The following UCMA variants were observed in gnomAD, a reference collection of about 807,000 sequenced individuals.
The protein encoded by UCMA is upper zone of growth plate and cartilage matrix-associated protein.
In UCMA, 21 loss-of-function variants were observed where a neutral mutation model predicts 21.8. The observed-to-expected ratio is 0.97, with a 90% CI of 0.68 to 1.39. UCMA has a LOEUF of 1.39. Ranked by LOEUF, UCMA falls within the 40% of genes most tolerant of loss-of-function variation. The pLI is 0.00. For synonymous variants in UCMA, 76 were observed against 67.9 expected (o/e 1.12, Z -0.58); for missense variants, 193 against 178.9 (o/e 1.08, Z -0.45).
At chr10:13,232,689 C>A (rs1474927128) in intron 3 of UCMA, among the ~76,000 whole-genome samples, 1 of 152,174 alleles carries the variant, frequency 6.6e-6, no homozygotes, top group Non-Finnish European at 1.5e-5. Flanking sequence ...AAGCAAGTCA[C>A]CTTGCTGAGT....
chr10:13,228,795 G>A (rs1588490163), intron 4 of UCMA, among the ~76,000 whole-genome samples: 1 of 152,124 alleles, frequency 6.6e-6, no homozygotes, highest in East Asian at 1.9e-4. Flanking sequence ...AGGAGGGAGG[G>A]AAAGGAGTTT....
Position 13,233,772 on chromosome 10 carries a change from C to T in UCMA, c.87G>A (p.Val29=), listed in dbSNP as rs532781503. The T allele has an allele frequency of 4.3e-5, 69 of 1,613,926 alleles. No homozygotes were observed. In the Middle Eastern group the frequency reaches 3.8e-3, roughly 89 times the overall value. ...SMLREGTSVS[V]GTMQMAGEEA... is the part of the protein sequence containing the mutation. ...CTTCTCCCGCCATCTGCATGGTGCCCACAGATACACTGGTTCCCTCTCTCA... is the reference window on the plus strand; with the variant it reads ...CTTCTCCCGCCATCTGCATGGTGCCTACAGATACACTGGTTCCCTCTCTCA... The change falls in exon 2 of 5, where the codon GTG becomes GTA. Residue 29 remains valine (V), a synonymous_variant. Transcript: ENST00000378681.
chr10:13,229,776 G>A, intron 3 of UCMA, 67 bp from the exon 4 acceptor site: 1 of 1,352,080 alleles, frequency 7.4e-7, no homozygotes, highest in Non-Finnish European at 1.1e-6. Flanking sequence ...CACACTTAGG[G>A]GAGCACAGTT....
At chr10:13,234,103 T>A (rs1834938147) in intron 1 of UCMA, 98 bp downstream of exon 1, 3 of 1,174,116 alleles carry the variant, frequency 2.6e-6, no homozygotes, top group Non-Finnish European at 3.6e-6. Flanking sequence ...ATAAGCATAC[T>A]CCTTTCTACC....
chr10:13,223,250 A>G (rs1834781580), intron 4 of UCMA, among the ~76,000 whole-genome samples: 1 of 151,812 alleles, frequency 6.6e-6, no homozygotes, highest in Admixed American at 6.6e-5. Context: ...CACAAAAGAA[A>G]GAAAAAAAGA....
In UCMA at chr10:13,233,724, C is replaced by A. The variant is rs1364173319; in HGVS notation, c.124+11G>T. On this transcript the variant is annotated intron_variant, in intron 2 of 4. Transcript: ENST00000378681. Reference sequence around the variant, plus strand: ...CACCTGCCCTGCCCCGTGGGTGGCCCCTGCACTCACCTTCACTCGCCTCTT... The same window carrying A: ...CACCTGCCCTGCCCCGTGGGTGGCCACTGCACTCACCTTCACTCGCCTCTT... 1 of 1,614,036 alleles carries A rather than the reference C, an allele frequency of 6.2e-7. No homozygotes were observed. The highest frequency in any genetic ancestry group is 8.5e-7 in the Non-Finnish European group (1 of 1,180,018).
chr10:13,228,538 G>A (rs1482827633), intron 4 of UCMA, among the ~76,000 whole-genome samples: 1 of 152,210 alleles, frequency 6.6e-6, no homozygotes, highest in African/African-American at 2.4e-5. Flanking sequence ...TAGAAGGCAA[G>A]CTGTTTTCTG....
chr10:13,225,798 C>T (rs1276149584), intron 4 of UCMA, among the ~76,000 whole-genome samples: 6 of 151,960 alleles, frequency 3.9e-5, no homozygotes, highest in Non-Finnish European at 1.5e-5. Context: ...CCTTGAGCAC[C>T]GCCCCAGGGA....
intron 3 of UCMA, among the ~76,000 whole-genome samples, chr10:13,230,808 G>A (rs1834887903): frequency 3.9e-5 from 6 of 152,262 alleles, no homozygotes; most frequent in Admixed American, 3.9e-4. Context: ...TGTAATCCCA[G>A]CACTTTGGGA....
intron 4 of UCMA, among the ~76,000 whole-genome samples, chr10:13,227,598 A>G (rs1834838591): frequency 1.3e-5 from 2 of 151,372 alleles, no homozygotes; most frequent in African/African-American, 2.4e-5. Context: ...CACACCTGTA[A>G]TCCCAGCTAC....
chr10:13,224,883 C>T lies in UCMA; in HGVS notation c.320-2683G>A, dbSNP rs968677269. Among the ~76,000 whole-genome samples the T allele has an allele frequency of 1.1e-4, 17 of 152,148 alleles. 1 individual carries two copies. The highest frequency in any genetic ancestry group is 3.3e-4 in the Admixed American group (5 of 15,266). ...GGCCCTCCCCTTGGTGCTGAAAATC[C>T]CATTAGGTACTTGATAGCCCAGGGG... On this transcript the variant is annotated intron_variant, in intron 4 of 4. Coordinates refer to ENST00000378681, the MANE Select transcript of UCMA (RefSeq NM_145314.3).
intron 4 of UCMA, among the ~76,000 whole-genome samples, chr10:13,224,544 T>C (rs1240766940): frequency 5.3e-5 from 8 of 152,220 alleles, no homozygotes; most frequent in Non-Finnish European, 1.2e-4. Context: ...GAAGATGATG[T>C]CAAGAATTAA....
chr10:13,234,347 C>T lies in UCMA; in HGVS notation c.-89G>A. On this transcript the variant is annotated 5_prime_UTR_variant, in exon 1 of 5. Coordinates refer to ENST00000378681, the MANE Select transcript of UCMA (RefSeq NM_145314.3). ...GGTCCCCACTTCTGAGGCAGGCAGC[C>T]CAGGCGAGAGGAAGGAAGGCGGGGG... The T allele has an allele frequency of 1.4e-6, 2 of 1,411,360 alleles. No individual in the cohort carries two copies. Among genetic ancestry groups the T allele is most frequent in the East Asian group, 2.5e-5 (1 of 40,246 alleles). 87.4% of individuals were successfully genotyped at this position (1,411,360 alleles called of 1,614,324 possible).
intron 1 of UCMA, 115 bp from the exon 2 acceptor site, chr10:13,233,915 C>G: frequency 1.5e-6 from 2 of 1,344,582 alleles, no homozygotes; most frequent in Admixed American, 4.7e-5. Flanking sequence ...GGCAGGGGGC[C>G]CGTGGTTTCT....
rs561195375 is a variant in UCMA at position 13,222,347 on chromosome 10, A to G, written c.320-147T>C. 51 of 692,700 alleles carry G rather than the reference A, an allele frequency of 7.4e-5. No individual in the cohort carries two copies. In the Admixed American group the frequency reaches 1.4e-3, roughly 18 times the overall value. The allele number at this position is 692,700 out of a possible 1,614,324, so 42.9% of individuals were successfully genotyped here. ...TGGTGAGAGAAGGCCAGGACTGGTG[A>G]GGATCCAGAGTATGTGAGCTGACAA... On this transcript the variant is annotated intron_variant, in intron 4 of 4. Transcript: ENST00000378681.
At chr10:13,229,329 G>A (rs1016644804) in intron 4 of UCMA, among the ~76,000 whole-genome samples, 4 of 151,766 alleles carry the variant, frequency 2.6e-5, no homozygotes, top group Non-Finnish European at 5.9e-5. Flanking sequence ...CAGCCTGGCC[G>A]ACATGGCAAA....
chr10:13,226,666 C>G (rs1239831119), intron 4 of UCMA, among the ~76,000 whole-genome samples: 1 of 152,118 alleles, frequency 6.6e-6, no homozygotes, highest in East Asian at 1.9e-4. Flanking sequence ...ATTACAAGAC[C>G]TGTCTCAGAG....
chr10:13,223,824 T>C (rs893361171), intron 4 of UCMA, among the ~76,000 whole-genome samples: 1 of 151,996 alleles, frequency 6.6e-6, no homozygotes, highest in African/African-American at 2.4e-5. Context: ...AGCACTAGTA[T>C]TACAGGCGTG....
At chr10:13,228,901 C>G (rs530152976) in intron 4 of UCMA, among the ~76,000 whole-genome samples, 1 of 151,818 alleles carries the variant, frequency 6.6e-6, no homozygotes, top group South Asian at 2.1e-4. Flanking sequence ...TTCTCAAGTT[C>G]TGTGTAGCCA....
Sources: gnomAD v4.1 joint callset for allele counts (sites outside exome capture counted in the v4.1 genomes callset) on GRCh38, gnomAD v4.1.1 for gene constraint, MANE v1.5 for transcripts, NCBI Gene and HGNC (gene_info 2026-07-23, HGNC 2026-07-21) for gene names.